The following GXYLT2 variants were observed in gnomAD, a reference collection of about 807,000 sequenced individuals.
The protein encoded by GXYLT2 is glycosyltransferase 8 domain containing 4.
Under a neutral mutation model 45.8 loss-of-function variants are expected in GXYLT2, and 53 were observed. The observed-to-expected ratio is 1.16, with a 90% CI of 0.93 to 1.46. The LOEUF is 1.46. Ranked by LOEUF, GXYLT2 falls within the 40% of genes most tolerant of loss-of-function variation. The pLI, the probability that GXYLT2 is intolerant of heterozygous loss-of-function variation, is 0.00. For missense variants in GXYLT2, 551 were observed against 544.4 expected, an observed-to-expected ratio of 1.01 and a Z score of -0.12; for synonymous variants, 219 against 214.2, an observed-to-expected ratio of 1.02 and a Z score of -0.19.
chr3:72,955,061 C>T (rs763482353), intron 3 of GXYLT2, 37 bp from the exon 4 acceptor site: 2 of 1,599,996 alleles, frequency 1.3e-6, no homozygotes, highest in East Asian at 4.5e-5. Flanking sequence ...GTTTTCTTCC[C>T]TCCTCTCCCC....
intron 5 of GXYLT2, 103 bp downstream of exon 5, chr3:72,957,455 C>A (rs1710671215): frequency 1.7e-6 from 2 of 1,163,088 alleles, no homozygotes; most frequent in Non-Finnish European, 1.2e-6. Context: ...TTGAATTGTG[C>A]ACAGAGGAGC....
chr3:72,957,587 A>G (rs979301507), intron 5 of GXYLT2, among the ~76,000 whole-genome samples: 2 of 152,192 alleles, frequency 1.3e-5, no homozygotes, highest in African/African-American at 4.8e-5. Context: ...ACTCATTTTT[A>G]GAGAGTATCT....
At chr3:72,940,406 A>G (rs1297684915) in intron 3 of GXYLT2, among the ~76,000 whole-genome samples, 1 of 152,180 alleles carries the variant, frequency 6.6e-6, no homozygotes, top group Non-Finnish European at 1.5e-5. Flanking sequence ...CAGAAAAAAG[A>G]GTTTAAAGAG....
chr3:72,953,609 G>A (rs189297512), intron 3 of GXYLT2, among the ~76,000 whole-genome samples: 5 of 152,148 alleles, frequency 3.3e-5, no homozygotes, highest in African/African-American at 7.2e-5. Context: ...AACTGTGCCC[G>A]GCCCACTCTC....
intron 1 of GXYLT2, among the ~76,000 whole-genome samples, chr3:72,890,509 T>C (rs1263650463): frequency 6.6e-6 from 1 of 152,222 alleles, no homozygotes; most frequent in Non-Finnish European, 1.5e-5. Context: ...GGTAACCTGG[T>C]AGAGAAGGAT....
intron 6 of GXYLT2, among the ~76,000 whole-genome samples, chr3:72,974,262 T>G (rs183162936): frequency 3.2e-4 from 49 of 152,268 alleles, no homozygotes; most frequent in Non-Finnish European, 5.6e-4. Flanking sequence ...AAAAGAATTT[T>G]AAAAAATGGC....
chr3:72,922,891 G>A (rs1709854973), intron 3 of GXYLT2, among the ~76,000 whole-genome samples: 1 of 152,138 alleles, frequency 6.6e-6, no homozygotes, highest in African/African-American at 2.4e-5. Flanking sequence ...GGCCAAGGCA[G>A]GCGGATCACT....
At chr3:72,893,106 C>T (rs1468168261) in intron 1 of GXYLT2, among the ~76,000 whole-genome samples, 1 of 152,170 alleles carries the variant, frequency 6.6e-6, no homozygotes. Context: ...GATAGGTAGA[C>T]CAGATGGGGT....
chr3:72,944,558 T>G (rs1710367857), intron 3 of GXYLT2, among the ~76,000 whole-genome samples: 2 of 152,106 alleles, frequency 1.3e-5, no homozygotes, highest in Admixed American at 6.6e-5. Context: ...CTGTTTGTTT[T>G]TTATGTATGT....
intron 5 of GXYLT2, among the ~76,000 whole-genome samples, chr3:72,957,736 G>A (rs1187918731): frequency 6.6e-6 from 1 of 152,112 alleles, no homozygotes; most frequent in Non-Finnish European, 1.5e-5. Flanking sequence ...TTGATTCTCA[G>A]GGTCCTTGGA....
intron 3 of GXYLT2, among the ~76,000 whole-genome samples, chr3:72,928,292 AT>A (rs1709956087): frequency 6.6e-6 from 1 of 152,262 alleles, no homozygotes; most frequent in Non-Finnish European, 1.5e-5. Flanking sequence ...AGGAACATTT[AT>A]TCAAGAAAAT....
intron 6 of GXYLT2, among the ~76,000 whole-genome samples, chr3:72,969,386 C>G (rs1160127372): frequency 1.4e-5 from 2 of 138,226 alleles, no homozygotes; most frequent in African/African-American, 5.9e-5. Context: ...GAGCAAGACC[C>G]TGTCTCAAAA....
chr3:72,968,030 G>A (rs1347115511), intron 6 of GXYLT2, among the ~76,000 whole-genome samples: 2 of 152,168 alleles, frequency 1.3e-5, no homozygotes, highest in Admixed American at 6.5e-5. Flanking sequence ...CTGGAGTGCA[G>A]TGGTGGGATC....
At chr3:72,896,774 C>G (rs546064291) in intron 1 of GXYLT2, among the ~76,000 whole-genome samples, 2 of 151,900 alleles carry the variant, frequency 1.3e-5, no homozygotes, top group African/African-American at 4.8e-5. Context: ...TGCTTGAACC[C>G]GGGAGGCAGA....
At chr3:72,924,255 G>A (rs1036940628) in intron 3 of GXYLT2, among the ~76,000 whole-genome samples, 2 of 150,636 alleles carry the variant, frequency 1.3e-5, no homozygotes, top group Admixed American at 1.3e-4. Flanking sequence ...GTGCAGTGGT[G>A]CAGTCATGGC....
chr3:72,933,763 T>C (rs1710122362), intron 3 of GXYLT2, among the ~76,000 whole-genome samples: 1 of 151,966 alleles, frequency 6.6e-6, no homozygotes, highest in Non-Finnish European at 1.5e-5. Flanking sequence ...TAACCGGGTG[T>C]GGTGGCACAG....
chr3:72,936,752 A>C (rs1710190444), intron 3 of GXYLT2, among the ~76,000 whole-genome samples: 1 of 152,186 alleles, frequency 6.6e-6, no homozygotes, highest in Non-Finnish European at 1.5e-5. Flanking sequence ...AAGTATTGCT[A>C]CTCATTTTGT....
At chr3:72,899,341 T>C (rs1709356971) in intron 1 of GXYLT2, among the ~76,000 whole-genome samples, 1 of 152,184 alleles carries the variant, frequency 6.6e-6, no homozygotes, top group South Asian at 2.1e-4. Flanking sequence ...AATGCATTTA[T>C]CAAATAATGT....
chr3:72,956,823 G>A (rs1710658530), intron 4 of GXYLT2, among the ~76,000 whole-genome samples: 1 of 151,362 alleles, frequency 6.6e-6, no homozygotes, highest in Admixed American at 6.6e-5. Flanking sequence ...CCGGGAGGTG[G>A]AGGTTGCAGT....
Sources: allele counts gnomAD v4.1 joint callset (sites outside exome capture counted in the v4.1 genomes callset), GRCh38; gene constraint gnomAD v4.1.1; transcripts MANE v1.5; gene names NCBI Gene and HGNC (gene_info 2026-07-23, HGNC 2026-07-21).